MAP3K9: variants seen among roughly 807,000 people sequenced by gnomAD.
The protein encoded by MAP3K9 is mitogen-activated protein kinase kinase kinase 9.
In MAP3K9, 46 loss-of-function variants were observed where a neutral mutation model predicts 95.8. The ratio of observed to expected loss-of-function variants is 0.48; its 90% CI spans 0.38 to 0.61. The LOEUF (loss-of-function observed/expected upper bound fraction) is 0.61, where lower values mean the gene tolerates loss of function less well. Among genes scored for constraint, MAP3K9 ranks in the 20% least tolerant of loss-of-function variants. MAP3K9 has a pLI of 0.00. For missense variants in MAP3K9, 1,296 were observed against 1,474.3 expected, an observed-to-expected ratio of 0.88 and a Z score of 1.98; for synonymous variants, 533 against 593.8, an observed-to-expected ratio of 0.90 and a Z score of 1.49.
At chr14:70,734,850 T>C (rs1349203984) in intron 9 of MAP3K9, among the ~76,000 whole-genome samples, 1 of 152,172 alleles carries the variant, frequency 6.6e-6, no homozygotes, top group Admixed American at 6.5e-5. Context: ...AAGCAGACAC[T>C]GGACACAACA....
chr14:70,798,426 A>ATCTGCTTCTTTTTACCCCATCACTT (rs1566767994), intron 2 of MAP3K9, among the ~76,000 whole-genome samples: 1 of 25,852 alleles, frequency 3.9e-5, no homozygotes, highest in Non-Finnish European at 8.4e-5. Flanking sequence ...CCAGCAATAT[A>ATCTGCTTCTTTTTACCCCATCACTT]AGCAATCTCT....
chr14:70,743,513 A>G (rs1485143172), intron 5 of MAP3K9, among the ~76,000 whole-genome samples: 1 of 145,376 alleles, frequency 6.9e-6, no homozygotes, highest in Admixed American at 6.9e-5. Context: ...AATTTACAAG[A>G]AAAAAAAAAA....
intron 1 of MAP3K9, among the ~76,000 whole-genome samples, chr14:70,803,880 C>G (rs1566771398): frequency 6.6e-6 from 1 of 152,184 alleles, no homozygotes; most frequent in Non-Finnish European, 1.5e-5. Context: ...AACTACATTT[C>G]CCAGACTCCT....
At chr14:70,784,682 A>G (rs534770152) in intron 2 of MAP3K9, among the ~76,000 whole-genome samples, 14 of 152,308 alleles carry the variant, frequency 9.2e-5, no homozygotes, top group South Asian at 6.2e-4. Context: ...AGTGGAGGCC[A>G]CTGTACTCCA....
intron 6 of MAP3K9, 146 bp downstream of exon 6, chr14:70,742,205 G>C (rs768038104): frequency 8.8e-5 from 97 of 1,096,196 alleles, no homozygotes; most frequent in Middle Eastern, 3.1e-4. Context: ...AGTCTTTCCA[G>C]TGAACAGAAT....
rs1198215896 is a variant in MAP3K9 at position 70,727,735 on chromosome 14, G to A, written c.*2645C>T. ...TCCTTCTTCATGGATGCTCACAGTA[G>A]CACCTTTGGATAGCCCTGCTTTTGC... On this transcript the variant is annotated 3_prime_UTR_variant, in exon 12 of 12. Coordinates refer to ENST00000554752, the MANE Select transcript of MAP3K9 (RefSeq NM_001284230.2). The A allele has an allele frequency of 1.3e-5, 2 of 152,224 alleles. No individual in the cohort carries two copies. Among genetic ancestry groups the A allele is most frequent in the Non-Finnish European group, 2.9e-5 (2 of 68,074 alleles). 9.4% of individuals were successfully genotyped at this position (152,224 alleles called of 1,614,324 possible). A position where few individuals can be genotyped will look rare whatever the true frequency, so the allele number is the denominator to read the frequency against.
chr14:70,779,759 T>C (rs1373645188), intron 2 of MAP3K9, among the ~76,000 whole-genome samples: 1 of 152,220 alleles, frequency 6.6e-6, no homozygotes, highest in African/African-American at 2.4e-5. Flanking sequence ...CCAGATGCAA[T>C]TCCACAGTTC....
chr14:70,790,604 CA>C (rs2139842548), intron 2 of MAP3K9, among the ~76,000 whole-genome samples: 1 of 152,330 alleles, frequency 6.6e-6, no homozygotes, highest in Non-Finnish European at 1.5e-5. Flanking sequence ...CTGAGTCTTA[CA>C]ATAATAAGAG....
chr14:70,723,125 A>G lies in MAP3K9; in HGVS notation c.*7255T>C, dbSNP rs1594754422. 1 of 152,212 alleles carries G rather than the reference A, an allele frequency of 6.6e-6. No homozygotes were observed. The highest frequency in any genetic ancestry group is 1.5e-5 in the Non-Finnish European group (1 of 68,056). 9.4% of individuals were successfully genotyped at this position (152,212 alleles called of 1,614,324 possible). On this transcript the variant is annotated 3_prime_UTR_variant, in exon 12 of 12. Transcript: ENST00000554752. ...CCCTTCTTTGCTACAACTGTGTATC[A>G]AAGGCATGTGGCTCAATGTGACAAA...
At chr14:70,776,313 T>A (rs1240488307) in intron 2 of MAP3K9, among the ~76,000 whole-genome samples, 3 of 152,118 alleles carry the variant, frequency 2.0e-5, no homozygotes, top group Non-Finnish European at 2.9e-5. Flanking sequence ...CAGGCATAAT[T>A]TAGGACAAAT....
At position 70,808,945 on chromosome 14, in the gene MAP3K9, C is replaced by T. The variant is rs1039356391; in HGVS notation, c.227G>A (p.Gly76Asp). ...AGEDELTLRL[G>D]DVVEVLSKDS... ...CTTGGACAGCACCTCCACCACGTCG[C>T]CCAGCCGCAGGGTCAGCTCGTCCTC... The change falls in exon 1 of 12, where the codon GGC (glycine) becomes GAC (aspartate). Residue 76 changes from glycine to aspartate, a missense_variant. By Grantham distance (94) the Gly-to-Asp change is moderately conservative. Around this residue, in one of 5 missense-constraint regions of MAP3K9, gnomAD observed 338 missense variants for 363.4 expected, o/e 0.93. Coordinates refer to ENST00000554752, the MANE Select transcript of MAP3K9 (RefSeq NM_001284230.2). The T allele has an allele frequency of 4.4e-6, 7 of 1,582,362 alleles. No individual in the cohort carries two copies. Among genetic ancestry groups the T allele is most frequent in the Non-Finnish European group, 6.0e-6 (7 of 1,170,310 alleles).
intron 4 of MAP3K9, among the ~76,000 whole-genome samples, chr14:70,749,219 C>A (rs2054192372): frequency 6.6e-6 from 1 of 152,176 alleles, no homozygotes; most frequent in South Asian, 2.1e-4. Context: ...TGAAATGCAG[C>A]AGTTCTGTAC....
At chr14:70,802,409 A>G (rs1041800786) in intron 1 of MAP3K9, among the ~76,000 whole-genome samples, 1 of 152,216 alleles carries the variant, frequency 6.6e-6, no homozygotes, top group Non-Finnish European at 1.5e-5. Context: ...AACCTAAGGT[A>G]CTTGATTATA....
intron 2 of MAP3K9, among the ~76,000 whole-genome samples, chr14:70,778,345 C>T: frequency 6.7e-6 from 1 of 150,104 alleles, no homozygotes; most frequent in African/African-American, 2.5e-5. Flanking sequence ...GACGCGATCT[C>T]TGCTCACTGC....
At chr14:70,792,545 T>C (rs1033878404) in intron 2 of MAP3K9, among the ~76,000 whole-genome samples, 8 of 152,244 alleles carry the variant, frequency 5.3e-5, no homozygotes, top group Non-Finnish European at 4.4e-5. Context: ...TTCCTGCCTA[T>C]TTCATTCTCT....
rs757400100 is a variant in MAP3K9, at chr14:70,800,992, C to T, written c.495G>A (p.Gly165=). The change falls in exon 2 of 12, where the codon GGG becomes GGA. Residue 165 remains glycine (G), a synonymous_variant. Coordinates refer to ENST00000554752, the MANE Select transcript of MAP3K9 (RefSeq NM_001284230.2). ...FGKVYRAFWI[G]DEVAVKAARH... ...GAGCTGCTTTCACAGCAACCTCATCCCCTATCCAGAAAGCACGATAGACCT... is the reference window on the plus strand; with the variant it reads ...GAGCTGCTTTCACAGCAACCTCATCTCCTATCCAGAAAGCACGATAGACCT... 38 of 1,614,058 alleles carry T rather than the reference C, an allele frequency of 2.4e-5. No individual in the cohort carries two copies. The highest frequency in any genetic ancestry group is 1.2e-4 in the African/African-American group (9 of 74,904).
intron 2 of MAP3K9, among the ~76,000 whole-genome samples, chr14:70,771,043 G>A (rs2054525202): frequency 6.6e-6 from 1 of 151,524 alleles, no homozygotes; most frequent in Non-Finnish European, 1.5e-5. Context: ...GTGATATAAA[G>A]GGATTGCTTT....
intron 11 of MAP3K9, among the ~76,000 whole-genome samples, chr14:70,731,926 A>C (rs1295514467): frequency 2.0e-5 from 3 of 152,168 alleles, no homozygotes; most frequent in African/African-American, 7.2e-5. Context: ...TGGTGACAGG[A>C]AAGAGTGTGT....
chr14:70,767,732 A>C (rs1347263232), intron 2 of MAP3K9, among the ~76,000 whole-genome samples: 1 of 152,248 alleles, frequency 6.6e-6, no homozygotes, highest in Non-Finnish European at 1.5e-5. Flanking sequence ...TCTGTTGCCC[A>C]GAATGGAGTG....
Sources: allele counts gnomAD v4.1 joint callset (sites outside exome capture counted in the v4.1 genomes callset), GRCh38; gene constraint gnomAD v4.1.1; regional missense constraint gnomAD v4.1.1; transcripts MANE v1.5; gene names NCBI Gene and HGNC (gene_info 2026-07-23, HGNC 2026-07-21).